Variants in SRGAP1 observed in about 807,000 individuals in gnomAD.
SRGAP1 encodes the protein SLIT-ROBO Rho GTPase activating protein 1.
Under a neutral mutation model 121.9 loss-of-function variants are expected in SRGAP1, and 43 were observed. That is an observed-to-expected ratio of 0.35 (90% CI 0.28 to 0.46). The LOEUF is 0.46. Ranked by LOEUF, SRGAP1 falls within the 20% of genes least tolerant of loss-of-function variation. The pLI, the probability that SRGAP1 is intolerant of heterozygous loss-of-function variation, is 1.00. For missense variants in SRGAP1, 1,102 were observed against 1,350.9 expected (o/e 0.82, Z 2.89); for synonymous variants, 447 against 485.4 (o/e 0.92, Z 1.04).
rs564666849 is a variant in SRGAP1 at position 63,992,945 on chromosome 12, A to C, written c.426+2873A>C. ...TTGCTGACCACCTGGAAGGGTAACA[A>C]GTCATTACAATTACAGGTGTGAAGT... is the stretch of plus-strand genomic sequence containing the variant. On this transcript the variant is annotated intron_variant, in intron 3 of 21. Transcript: ENST00000355086. 4.6e-5 allele frequency among the ~76,000 whole-genome samples: 7 copies of C among 152,156 alleles called. No homozygotes were observed. The South Asian group carries it at 8.3e-4, about 18-fold the overall frequency.
chr12:63,986,249 C>CCAGCATA (rs2033411611), intron 2 of SRGAP1, among the ~76,000 whole-genome samples: 1 of 151,382 alleles, frequency 6.6e-6, no homozygotes, highest in Admixed American at 6.6e-5. Context: ...TACTGTTGGT[C>CCAGCATA]CAGCATAAAA....
intron 1 of SRGAP1, among the ~76,000 whole-genome samples, chr12:63,928,637 T>G (rs1171120034): frequency 6.6e-6 from 1 of 152,038 alleles, no homozygotes; most frequent in Admixed American, 6.6e-5. Flanking sequence ...TCATTGAAGA[T>G]GATTTTTCCA....
chr12:63,992,867 T>C (rs2033593312), intron 3 of SRGAP1, among the ~76,000 whole-genome samples: 1 of 152,134 alleles, frequency 6.6e-6, no homozygotes, highest in African/African-American at 2.4e-5. Flanking sequence ...TACTTTGGCA[T>C]TTAGTAGGGG....
rs183076599 is a variant in SRGAP1, at chr12:63,930,140, G to T, written c.68-53807G>T. On this transcript the variant is annotated intron_variant, in intron 1 of 21. Coordinates refer to ENST00000355086, the MANE Select transcript of SRGAP1 (RefSeq NM_020762.4). ...AAGATCCATTTTCCTAAGAATTACTGATGTTTGCTTCATTTTGTTTTCACA... is the reference window on the plus strand; with the variant it reads ...AAGATCCATTTTCCTAAGAATTACTTATGTTTGCTTCATTTTGTTTTCACA... 5.0e-3 allele frequency among the ~76,000 whole-genome samples: 758 copies of T among 152,148 alleles called. 2 individuals are homozygous for T. The highest frequency in any genetic ancestry group is 0.017 in the Middle Eastern group (5 of 294).
chr12:63,931,945 A>C (rs1431719084), intron 1 of SRGAP1, among the ~76,000 whole-genome samples: 1 of 152,190 alleles, frequency 6.6e-6, no homozygotes, highest in Non-Finnish European at 1.5e-5. Flanking sequence ...TTAGGCCTAA[A>C]AATAAGAGAA....
chr12:64,121,007 CT>C (rs35809572), intron 18 of SRGAP1, among the ~76,000 whole-genome samples: 5,882 of 115,976 alleles, frequency 0.051, 344 homozygotes, highest in African/African-American at 0.16. Flanking sequence ...TTCTTTGTGT[CT>C]TTTTTTTTTT....
intron 1 of SRGAP1, among the ~76,000 whole-genome samples, chr12:63,977,264 C>T (rs2033119218): frequency 6.6e-6 from 1 of 152,262 alleles, no homozygotes; most frequent in African/African-American, 2.4e-5. Context: ...TAGGAAAATC[C>T]CTTCTGTCCT....
intron 9 of SRGAP1, among the ~76,000 whole-genome samples, chr12:64,079,991 C>G (rs2035807353): frequency 6.6e-6 from 1 of 151,920 alleles, no homozygotes; most frequent in African/African-American, 2.4e-5. Context: ...GCCTGTAATC[C>G]CAGCACTTTG....
chr12:64,059,641 A>G (rs1378241972), intron 6 of SRGAP1, among the ~76,000 whole-genome samples: 1 of 152,144 alleles, frequency 6.6e-6, no homozygotes. Context: ...TTGTGTTTTC[A>G]TTAACGCAAA....
intron 1 of SRGAP1, among the ~76,000 whole-genome samples, chr12:63,902,134 G>T (rs76589239): frequency 3.3e-5 from 5 of 152,108 alleles, no homozygotes; most frequent in Non-Finnish European, 5.9e-5. Flanking sequence ...GGGCAACATG[G>T]TGAAACCCCA....
At chr12:64,014,580 C>CATG (rs934666982) in intron 3 of SRGAP1, among the ~76,000 whole-genome samples, 5 of 152,246 alleles carry the variant, frequency 3.3e-5, no homozygotes, top group African/African-American at 1.2e-4. Flanking sequence ...TTTACCTATA[C>CATG]TACAGATCTG....
intron 1 of SRGAP1, among the ~76,000 whole-genome samples, chr12:63,884,769 T>C (rs1900317970): frequency 6.7e-6 from 1 of 148,392 alleles, no homozygotes; most frequent in Non-Finnish European, 1.5e-5. Context: ...TCGCCCAGGC[T>C]GGAGTGAAGT....
intron 2 of SRGAP1, among the ~76,000 whole-genome samples, chr12:63,985,379 G>A (rs2033386947): frequency 6.6e-6 from 1 of 152,174 alleles, no homozygotes; most frequent in African/African-American, 2.4e-5. Flanking sequence ...GGCTGCAGGT[G>A]TGAATCAGAG....
rs367575024 is a variant in SRGAP1 at position 64,080,270 on chromosome 12, T to C, written c.1324-16T>C. The C allele has an allele frequency of 1.7e-5, 27 of 1,589,738 alleles. No homozygotes were observed. The highest frequency in any genetic ancestry group is 2.3e-5 in the Non-Finnish European group (27 of 1,169,722). ...AAAAAAAAAAAAGATTTAAAAATTA[T>C]TCTTGCCTTTTGCAGAAACTCAGAG... On this transcript the variant is annotated splice_polypyrimidine_tract_variant and intron_variant, in intron 9 of 21. Transcript: ENST00000355086.
chr12:63,859,350 A>G (rs890729527), intron 1 of SRGAP1, among the ~76,000 whole-genome samples: 13 of 152,020 alleles, frequency 8.6e-5, no homozygotes, highest in African/African-American at 2.2e-4. Flanking sequence ...TATAATTAGT[A>G]GAGATGGGGT....
At chr12:63,926,924 G>A (rs74099369) in intron 1 of SRGAP1, among the ~76,000 whole-genome samples, 3,406 of 151,900 alleles carry the variant, frequency 0.022, 112 homozygotes, top group African/African-American at 0.077. Flanking sequence ...ATGAGTTGTC[G>A]ATAATATTGA....
At chr12:63,976,302 C>T (rs1028346365) in intron 1 of SRGAP1, among the ~76,000 whole-genome samples, 9 of 152,086 alleles carry the variant, frequency 5.9e-5, no homozygotes, top group South Asian at 2.1e-4. Flanking sequence ...AATTCAATTT[C>T]GGCAATTGAG....
chr12:64,112,929 C>T (rs2036453247), intron 17 of SRGAP1, among the ~76,000 whole-genome samples: 1 of 152,000 alleles, frequency 6.6e-6, no homozygotes, highest in Non-Finnish European at 1.5e-5. Flanking sequence ...TGGTTAAGGG[C>T]TATAAAAATA....
rs149299102 is a variant in SRGAP1, at chr12:63,969,039, T to C, written c.68-14908T>C. 6.6e-3 allele frequency among the ~76,000 whole-genome samples: 1,001 copies of C among 152,322 alleles called. 13 individuals carry two copies. Among genetic ancestry groups the C allele is most frequent in the African/African-American group, 0.023 (950 of 41,576 alleles). On this transcript the variant is annotated intron_variant, in intron 1 of 21. Coordinates refer to ENST00000355086, the MANE Select transcript of SRGAP1 (RefSeq NM_020762.4). ...AAAAAAATCGTACTGTGGGTCGGTG[T>C]GGAAAGCTTTTGGTCTTCTTGAATT...
Sources: gnomAD v4.1 joint callset for allele counts (sites outside exome capture counted in the v4.1 genomes callset) on GRCh38, gnomAD v4.1.1 for gene constraint, MANE v1.5 for transcripts, NCBI Gene and HGNC (gene_info 2026-07-23, HGNC 2026-07-21) for gene names.